SNTG1: variants seen among roughly 807,000 people sequenced by gnomAD.
The protein encoded by SNTG1 is syntrophin gamma 1.
SNTG1 carries 39 observed loss-of-function variants against 74.7 expected under a neutral mutation model. That is an observed-to-expected ratio of 0.52 (90% confidence interval 0.40 to 0.68). The LOEUF (loss-of-function observed/expected upper bound fraction) is 0.68, where lower values mean the gene tolerates loss of function less well. Among genes scored for constraint, SNTG1 ranks in the 30% least tolerant of loss-of-function variants. The pLI, the probability that SNTG1 is intolerant of heterozygous loss-of-function variation, is 0.00. For missense variants in SNTG1, 685 were observed against 609.5 expected (o/e 1.12, Z -1.30); for synonymous variants, 254 against 217.1 (o/e 1.17, Z -1.49).
At position 49,911,540 on chromosome 8, in the gene SNTG1, A is replaced by G. The variant is rs1224604040; in HGVS notation, c.-794A>G. 1 of 148,592 alleles carries G rather than the reference A, an allele frequency of 6.7e-6. No homozygotes were observed. Among genetic ancestry groups the G allele is most frequent in the African/African-American group, 2.5e-5 (1 of 39,952 alleles). The allele number at this position is 148,592 out of a possible 1,614,324, so 9.2% of individuals were successfully genotyped here. On this transcript the variant is annotated 5_prime_UTR_variant, in exon 1 of 19. Transcript: ENST00000642720. ...ATGAGACTGTTAATTTGGAGAAACA[A>G]TTAGCCCCTACAAAAAAAAAAAAGA...
chr8:50,271,802 T>C (rs2087794437), intron 2 of SNTG1, among the ~76,000 whole-genome samples: 1 of 152,146 alleles, frequency 6.6e-6, no homozygotes, highest in South Asian at 2.1e-4. Flanking sequence ...ACATACCTGG[T>C]GTTATGATAT....
At chr8:50,234,766 G>A (rs969303204) in intron 2 of SNTG1, among the ~76,000 whole-genome samples, 1 of 151,986 alleles carries the variant, frequency 6.6e-6, no homozygotes, top group Non-Finnish European at 1.5e-5. Context: ...ATATCACAAA[G>A]TGACTAAAAA....
In SNTG1 at chr8:50,208,151, A is replaced by G. The variant is rs571098984; in HGVS notation, c.-28+35516A>G. On this transcript the variant is annotated intron_variant, in intron 2 of 18. Transcript: ENST00000642720. ...ACTTTCTGTCTCGTCGATCTGTGTA[A>G]TGTGGACAGTGGGATGTTAAAGTCT... 3.3e-5 allele frequency among the ~76,000 whole-genome samples: 5 copies of G among 152,248 alleles called. No homozygotes were observed. The East Asian group carries it at 9.6e-4, about 29-fold the overall frequency.
intron 1 of SNTG1, among the ~76,000 whole-genome samples, chr8:50,014,461 A>G (rs889465051): frequency 7.2e-6 from 1 of 139,670 alleles, no homozygotes; most frequent in Non-Finnish European, 1.6e-5. Flanking sequence ...ACACAATGAT[A>G]AGGACTACCA....
rs546043370 is a variant in SNTG1 at position 50,101,119 on chromosome 8, T to C, written c.-102-71442T>C. Among the ~76,000 whole-genome samples, 54 of 152,312 alleles carry C rather than the reference T, an allele frequency of 3.5e-4. 1 individual carries two copies. The South Asian group carries it at 6.8e-3, about 19-fold the overall frequency. ...CTGTGAAAAACATGATCTCACTCTT[T>C]TTTATGGCTGCATAGTATTCCATGG... On this transcript the variant is annotated intron_variant, in intron 1 of 18. Coordinates refer to ENST00000642720, the MANE Select transcript of SNTG1 (RefSeq NM_018967.5).
chr8:50,758,432 T>C (rs1434424288), intron 18 of SNTG1, among the ~76,000 whole-genome samples: 1 of 151,924 alleles, frequency 6.6e-6, no homozygotes, highest in African/African-American at 2.4e-5. Flanking sequence ...CAACCTGTCA[T>C]CTAAGTTAGG....
intron 1 of SNTG1, among the ~76,000 whole-genome samples, chr8:50,037,379 C>A (rs62515375): frequency 0.55 from 83,078 of 151,954 alleles, 24,894 homozygotes; most frequent in East Asian, 0.84. Flanking sequence ...GCATTCTAAC[C>A]AGCTCTGTGA....
intron 8 of SNTG1, among the ~76,000 whole-genome samples, chr8:50,467,053 T>C (rs527929997): frequency 6.6e-6 from 1 of 151,970 alleles, no homozygotes; most frequent in Non-Finnish European, 1.5e-5. Flanking sequence ...TTTTTATACA[T>C]TATTCAGTTT....
At chr8:50,080,405 A>T (rs146526928) in intron 1 of SNTG1, among the ~76,000 whole-genome samples, 1 of 152,178 alleles carries the variant, frequency 6.6e-6, no homozygotes, top group South Asian at 2.1e-4. Context: ...TTACATTTTT[A>T]TCAAGACTGA....
chr8:50,562,494 TCTA>T (rs2094494267), intron 12 of SNTG1, among the ~76,000 whole-genome samples: 1 of 152,180 alleles, frequency 6.6e-6, no homozygotes, highest in Non-Finnish European at 1.5e-5. Flanking sequence ...AGGCTGCACT[TCTA>T]CTCTAGAGCC....
chr8:50,729,728 G>A (rs928892864), intron 17 of SNTG1, among the ~76,000 whole-genome samples: 5 of 152,196 alleles, frequency 3.3e-5, no homozygotes, highest in Admixed American at 6.5e-5. Context: ...AAGAGGAAGG[G>A]AGGATAGGCA....
intron 12 of SNTG1, among the ~76,000 whole-genome samples, chr8:50,571,135 G>T (rs1046284664): frequency 6.6e-6 from 1 of 152,078 alleles, no homozygotes; most frequent in Non-Finnish European, 1.5e-5. Flanking sequence ...TGCTTTGCTT[G>T]TCTTTCTGGC....
At chr8:50,417,317 A>G (rs1350548736) in intron 4 of SNTG1, among the ~76,000 whole-genome samples, 2 of 152,144 alleles carry the variant, frequency 1.3e-5, no homozygotes, top group Non-Finnish European at 2.9e-5. Context: ...TAGACTGTAT[A>G]TTCTGAGACT....
chr8:49,915,687 G>A (rs557820578), intron 1 of SNTG1, among the ~76,000 whole-genome samples: 1 of 152,262 alleles, frequency 6.6e-6, no homozygotes, highest in East Asian at 1.9e-4. Flanking sequence ...TGTCATTAGT[G>A]ATATTGATAA....
At chr8:50,398,886 C>T (rs2092764577) in intron 3 of SNTG1, among the ~76,000 whole-genome samples, 1 of 152,168 alleles carries the variant, frequency 6.6e-6, no homozygotes, top group South Asian at 2.1e-4. Context: ...GCCAAGATCG[C>T]TCCACTGCAC....
rs200532227 is a variant in SNTG1 at position 50,743,649 on chromosome 8, G to GA, written c.1285-8341dup. 2.7e-3 allele frequency among the ~76,000 whole-genome samples: 343 copies of GA among 128,782 alleles called. 1 individual carries two copies. Among genetic ancestry groups the GA allele is most frequent in the Middle Eastern group, 8.5e-3 (2 of 234 alleles). The allele number at this position is 128,782 out of a possible 152,430, so 84.5% of individuals were successfully genotyped here. ...AGTTTTAGCCAGAGCTATTAGGCAA[G>GA]AAAAAAAAAAAGCCAAAGAAAATTG... On this transcript the variant is annotated intron_variant, in intron 17 of 18. Transcript: ENST00000642720.
intron 8 of SNTG1, among the ~76,000 whole-genome samples, chr8:50,468,013 T>TA (rs1389748208): frequency 4.2e-5 from 1 of 23,960 alleles, no homozygotes; most frequent in East Asian, 3.6e-3. Flanking sequence ...ATAATAAATA[T>TA]TTTTTTTTCA....
At chr8:50,083,967 T>A (rs564987582) in intron 1 of SNTG1, among the ~76,000 whole-genome samples, 1 of 152,350 alleles carries the variant, frequency 6.6e-6, no homozygotes, top group East Asian at 1.9e-4. Context: ...AATTTGTTGA[T>A]GTAACTTTAA....
chr8:50,236,977 A>G (rs1465412269), intron 2 of SNTG1, among the ~76,000 whole-genome samples: 2 of 152,170 alleles, frequency 1.3e-5, no homozygotes, highest in African/African-American at 4.8e-5. Flanking sequence ...CAGCAATACC[A>G]CTATCACAAA....
Sources: allele counts gnomAD v4.1 joint callset (sites outside exome capture counted in the v4.1 genomes callset), GRCh38; gene constraint gnomAD v4.1.1; transcripts MANE v1.5; gene names NCBI Gene and HGNC (gene_info 2026-07-23, HGNC 2026-07-21).